The following ADCY1 variants were observed in gnomAD, a reference collection of about 807,000 sequenced individuals.
ADCY1 encodes the protein adenylate cyclase type 1.
Under a neutral mutation model 105.4 loss-of-function variants are expected in ADCY1, and 28 were observed. That is an observed-to-expected ratio of 0.27 (90% CI 0.20 to 0.36). The LOEUF (loss-of-function observed/expected upper bound fraction) is 0.36. ADCY1 is among the 10% of genes least tolerant of loss of function. The pLI is 1.00. For synonymous variants in ADCY1, 655 were observed against 623.8 expected (o/e 1.05, Z -0.75); for missense variants, 977 against 1,434.2 (o/e 0.68, Z 5.15).
intron 14 of ADCY1, among the ~76,000 whole-genome samples, chr7:45,693,265 T>A (rs1434227454): frequency 2.0e-5 from 3 of 150,638 alleles, no homozygotes; most frequent in Non-Finnish European, 3.0e-5. Context: ...TTTGCATCAA[T>A]GTTCATCAAG....
At chr7:45,603,140 T>A (rs1793285041) in intron 2 of ADCY1, among the ~76,000 whole-genome samples, 1 of 152,258 alleles carries the variant, frequency 6.6e-6, no homozygotes, top group Non-Finnish European at 1.5e-5. Flanking sequence ...TGTTTTAGTA[T>A]TTCATTCTTT....
intron 19 of ADCY1, among the ~76,000 whole-genome samples, chr7:45,711,636 TATATATATACAC>T (rs1467207712): frequency 5.7e-4 from 13 of 22,722 alleles, no homozygotes; most frequent in African/African-American, 1.4e-3. Flanking sequence ...TATATATATA[TATATATATACAC>T]ACACACACGT....
intron 5 of ADCY1, among the ~76,000 whole-genome samples, chr7:45,655,119 C>A (rs993309383): frequency 6.6e-6 from 1 of 152,314 alleles, no homozygotes; most frequent in Admixed American, 6.5e-5. Flanking sequence ...TAATGGCTGA[C>A]ACTCAGTAGA....
chr7:45,652,511 G>A (rs1794836496), intron 5 of ADCY1, among the ~76,000 whole-genome samples: 1 of 152,214 alleles, frequency 6.6e-6, no homozygotes, highest in Admixed American at 6.5e-5. Flanking sequence ...TCTTTTCCTT[G>A]TTGAACAAGT....
rs1785311129 is a variant in ADCY1, at chr7:45,713,814, G to A, written c.3179G>A (p.Gly1060Glu). ...TACTTTCTAGAAGGCAGGACTGATG[G>A]AAACGGCTCCCAAATCAGGTCCCTG... ...LTYFLEGRTD[G>E]NGSQIRSLGL... is the part of the protein sequence containing the mutation. The change falls in exon 20 of 20, where the codon GGA (glycine) becomes GAA (glutamate). Residue 1060 changes from glycine to glutamate, a missense_variant. By Grantham distance (98) the Gly-to-Glu change is moderately conservative (BLOSUM62 -2). Around this residue, in one of 7 missense-constraint regions of ADCY1, gnomAD observed 78 missense variants for 60.0 expected, o/e 1.30. Coordinates refer to ENST00000297323, the MANE Select transcript of ADCY1 (RefSeq NM_021116.4). The A allele has an allele frequency of 1.3e-6, 1 of 780,858 alleles. No individual in the cohort carries two copies. The highest frequency in any genetic ancestry group is 1.7e-5 in the Admixed American group (1 of 59,030). 48.4% of individuals were successfully genotyped at this position (780,858 alleles called of 1,614,324 possible).
chr7:45,623,582 A>G (rs1043085489), intron 4 of ADCY1, among the ~76,000 whole-genome samples: 11 of 152,328 alleles, frequency 7.2e-5, no homozygotes, highest in South Asian at 2.1e-4. Context: ...TGGCATCGAT[A>G]TCCTACCCCT....
chr7:45,622,150 C>T (rs140811469), intron 3 of ADCY1, among the ~76,000 whole-genome samples: 1 of 152,268 alleles, frequency 6.6e-6, no homozygotes, highest in Non-Finnish European at 1.5e-5. Context: ...GGACTCCCTC[C>T]CTTTTCATTG....
intron 2 of ADCY1, among the ~76,000 whole-genome samples, chr7:45,607,047 A>G: frequency 6.6e-6 from 1 of 151,640 alleles, no homozygotes; most frequent in East Asian, 1.9e-4. Context: ...GTCTTATCAG[A>G]TGGCAGCTTG....
chr7:45,602,408 C>A (rs1793264967), intron 2 of ADCY1, among the ~76,000 whole-genome samples: 1 of 152,112 alleles, frequency 6.6e-6, no homozygotes, highest in Non-Finnish European at 1.5e-5. Flanking sequence ...AGTTCAGCTC[C>A]CTCTTCCATA....
At chr7:45,697,303 A>T (rs562384250) in intron 14 of ADCY1, among the ~76,000 whole-genome samples, 113 of 151,076 alleles carry the variant, frequency 7.5e-4, no homozygotes, top group African/African-American at 2.7e-3. Context: ...CTCGTGAATC[A>T]CTGAGAGCAG....
chr7:45,701,791 C>T (rs1266256806), intron 14 of ADCY1, among the ~76,000 whole-genome samples: 1 of 152,182 alleles, frequency 6.6e-6, no homozygotes, highest in East Asian at 1.9e-4. Context: ...CAGAGTAAGT[C>T]AGCACTGTGC....
chr7:45,631,196 AC>A (rs1487127614), intron 4 of ADCY1, among the ~76,000 whole-genome samples: 1 of 152,104 alleles, frequency 6.6e-6, no homozygotes, highest in Non-Finnish European at 1.5e-5. Flanking sequence ...AATCATTGAG[AC>A]CCTCTAACAT....
chr7:45,684,626 A>G (rs1784630232), intron 11 of ADCY1: 1 of 166,188 alleles, frequency 6.0e-6, no homozygotes, highest in African/African-American at 2.4e-5. Flanking sequence ...ACACAAATGA[A>G]TGGAAATTTG....
At chr7:45,592,414 A>G (rs967640073) in intron 1 of ADCY1, among the ~76,000 whole-genome samples, 1 of 152,130 alleles carries the variant, frequency 6.6e-6, no homozygotes, top group African/African-American at 2.4e-5. Flanking sequence ...GCCCACCCCG[A>G]TGGCCTCATT....
At chr7:45,670,384 G>A (rs967269577) in intron 8 of ADCY1, among the ~76,000 whole-genome samples, 5 of 152,274 alleles carry the variant, frequency 3.3e-5, no homozygotes, top group African/African-American at 1.2e-4. Context: ...CAGCAGGTGA[G>A]CTGACAGGCA....
At position 45,687,997 on chromosome 7, in the gene ADCY1, A is replaced by C. The variant is rs180867747; in HGVS notation, c.2454+1324A>C. ...GGAAGCGTGGCCAGGACCAGCTGAG[A>C]GCTCACTGTGGAAGCAGGACCAGGC... On this transcript the variant is annotated intron_variant, in intron 14 of 19. Coordinates refer to ENST00000297323, the MANE Select transcript of ADCY1 (RefSeq NM_021116.4). Among the ~76,000 whole-genome samples the C allele has an allele frequency of 2.3e-3, 344 of 152,328 alleles. 2 individuals are homozygous for C. Among genetic ancestry groups the C allele is most frequent in the African/African-American group, 8.1e-3 (338 of 41,566 alleles).
intron 4 of ADCY1, among the ~76,000 whole-genome samples, chr7:45,644,527 C>A (rs1016334663): frequency 6.6e-6 from 1 of 152,228 alleles, no homozygotes; most frequent in African/African-American, 2.4e-5. Flanking sequence ...GATTCTCCTG[C>A]AGTGGCTCTG....
chr7:45,632,525 A>G (rs1228331711), intron 4 of ADCY1, among the ~76,000 whole-genome samples: 3 of 122,392 alleles, frequency 2.5e-5, no homozygotes, highest in East Asian at 2.1e-4. Flanking sequence ...AAAAAATTCT[A>G]TACATTTCTC....
chr7:45,708,310 G>C lies in ADCY1; in HGVS notation c.2818-40G>C. 6.6e-7 allele frequency: 1 copy of C among 1,507,656 alleles called. No homozygotes were observed. Among genetic ancestry groups the C allele is most frequent in the Non-Finnish European group, 9.2e-7 (1 of 1,085,494 alleles). 93.4% of individuals were successfully genotyped at this position (1,507,656 alleles called of 1,614,324 possible). ...TTGGTCCCTGGCCCCCTCTTGCCTT[G>C]CACTCCCCAGATGTAATGACCCCAT... On this transcript the variant is annotated intron_variant, in intron 17 of 19. Transcript: ENST00000297323. This position sits in a 1 kb window ranked among gnomAD's most constrained non-coding sequence, Gnocchi z 4.7.
Sources: allele counts gnomAD v4.1 joint callset (sites outside exome capture counted in the v4.1 genomes callset), GRCh38; gene constraint gnomAD v4.1.1; regional missense constraint gnomAD v4.1.1; non-coding constraint Gnocchi (gnomAD v3.1); transcripts MANE v1.5; gene names NCBI Gene and HGNC (gene_info 2026-07-23, HGNC 2026-07-21).